Variants in CTNNA2 observed in about 807,000 individuals in gnomAD.
CTNNA2 encodes catenin alpha 2, also known as catenin alpha-2.
CTNNA2 carries 42 observed loss-of-function variants against 101.0 expected under a neutral mutation model. The ratio of observed to expected loss-of-function variants is 0.42; its 90% confidence interval spans 0.32 to 0.54. CTNNA2 has a LOEUF of 0.54. Ranked by LOEUF, CTNNA2 falls within the 20% of genes least tolerant of loss-of-function variation. The pLI is 0.14. For missense variants in CTNNA2, 871 were observed against 1,223.1 expected (o/e 0.71, Z 4.29); for synonymous variants, 450 against 456.4 (o/e 0.99, Z 0.18).
intron 7 of CTNNA2, among the ~76,000 whole-genome samples, chr2:80,105,106 TG>T (rs751330837): frequency 7.9e-5 from 12 of 152,188 alleles, no homozygotes; most frequent in Non-Finnish European, 1.8e-4. Flanking sequence ...GACCAGGAGT[TG>T]CCTAAATGAA....
intron 2 of CTNNA2, among the ~76,000 whole-genome samples, chr2:79,673,087 C>A (rs577627065): frequency 1.3e-5 from 2 of 152,196 alleles, no homozygotes; most frequent in Admixed American, 1.3e-4. Context: ...ATTAAATATT[C>A]TTCTGTGTGA....
At chr2:79,708,985 C>T (rs1666307533) in intron 2 of CTNNA2, among the ~76,000 whole-genome samples, 1 of 152,164 alleles carries the variant, frequency 6.6e-6, no homozygotes, top group Admixed American at 6.5e-5. Context: ...CCTTGATACT[C>T]TTGACCTATT....
chr2:80,366,296 A>G (rs749010376), intron 7 of CTNNA2, among the ~76,000 whole-genome samples: 2 of 152,144 alleles, frequency 1.3e-5, no homozygotes, highest in African/African-American at 2.4e-5. Context: ...TCTGAGGCCC[A>G]GTAGAAGTTG....
rs185479653 is a variant in CTNNA2 at position 80,599,277 on chromosome 2, G to A, written c.2190-4797G>A. Among the ~76,000 whole-genome samples, 1,002 of 152,268 alleles carry A rather than the reference G, an allele frequency of 6.6e-3. 9 individuals carry two copies. The highest frequency in any genetic ancestry group is 9.1e-3 in the Non-Finnish European group (620 of 68,018). On this transcript the variant is annotated intron_variant, in intron 15 of 18. Transcript: ENST00000402739. ...CCATATTGGATAGTGCAGAATTATA[G>A]AATGAACATCATTACAGAAATTCTG... is the stretch of plus-strand genomic sequence containing the variant.
intron 7 of CTNNA2, among the ~76,000 whole-genome samples, chr2:80,068,408 T>C (rs1285458170): frequency 6.6e-6 from 1 of 152,260 alleles, no homozygotes; most frequent in Admixed American, 6.5e-5. Flanking sequence ...GTGGGAAACA[T>C]GCAAATTGCT....
At chr2:80,122,353 T>G in intron 7 of CTNNA2, among the ~76,000 whole-genome samples, 1 of 150,722 alleles carries the variant, frequency 6.6e-6, no homozygotes, top group Admixed American at 6.6e-5. Context: ...TTTCTCTCTC[T>G]CCCCCCTTCC....
chr2:79,256,381 G>T (rs1474870496), intron 2 of CTNNA2, among the ~76,000 whole-genome samples: 2 of 152,152 alleles, frequency 1.3e-5, no homozygotes, highest in Non-Finnish European at 2.9e-5. Flanking sequence ...CAGCTCAGGG[G>T]CTGTCCATCA....
chr2:80,640,570 T>C (rs1478414651), intron 18 of CTNNA2, among the ~76,000 whole-genome samples: 1 of 152,224 alleles, frequency 6.6e-6, no homozygotes, highest in Non-Finnish European at 1.5e-5. Flanking sequence ...TAAAAAGTGT[T>C]ATTGATATAG....
chr2:80,036,203 G>A (rs1357594505), intron 7 of CTNNA2, among the ~76,000 whole-genome samples: 2 of 152,146 alleles, frequency 1.3e-5, no homozygotes, highest in African/African-American at 4.8e-5. Flanking sequence ...AGAGGGAGGT[G>A]AAATTAATGC....
chr2:80,571,487 G>A (rs553186086), intron 12 of CTNNA2, among the ~76,000 whole-genome samples: 3 of 152,238 alleles, frequency 2.0e-5, no homozygotes, highest in Middle Eastern at 6.8e-3. Context: ...TAAAACAAAT[G>A]TCTCTCCTTC....
chr2:80,034,009 T>C (rs906164206), intron 7 of CTNNA2, among the ~76,000 whole-genome samples: 5 of 135,464 alleles, frequency 3.7e-5, no homozygotes, highest in Non-Finnish European at 8.1e-5. Context: ...AAAGAAAACA[T>C]GGACAAATTC....
chr2:79,343,438 T>C (rs1677184035), intron 3 of CTNNA2, among the ~76,000 whole-genome samples: 1 of 152,180 alleles, frequency 6.6e-6, no homozygotes, highest in South Asian at 2.1e-4. Context: ...TGACCTATAC[T>C]CAGAAACAAC....
intron 7 of CTNNA2, among the ~76,000 whole-genome samples, chr2:79,962,536 T>C (rs1689714812): frequency 6.6e-6 from 1 of 152,230 alleles, no homozygotes; most frequent in Non-Finnish European, 1.5e-5. Flanking sequence ...ACTTTTACCA[T>C]AACCACAGAT....
At chr2:79,383,124 T>G (rs1029929182) in intron 4 of CTNNA2, among the ~76,000 whole-genome samples, 1 of 152,216 alleles carries the variant, frequency 6.6e-6, no homozygotes, top group Non-Finnish European at 1.5e-5. Flanking sequence ...TGAATTTCCT[T>G]TGGTAAATCT....
At chr2:79,709,186 G>A (rs1685583765) in intron 2 of CTNNA2, among the ~76,000 whole-genome samples, 1 of 152,156 alleles carries the variant, frequency 6.6e-6, no homozygotes, top group Non-Finnish European at 1.5e-5. Flanking sequence ...CCTAGGGAAG[G>A]TGACAGCTCT....
intron 1 of CTNNA2, among the ~76,000 whole-genome samples, chr2:79,563,213 T>C (rs1674901358): frequency 6.7e-6 from 1 of 149,938 alleles, no homozygotes; most frequent in Admixed American, 6.7e-5. Flanking sequence ...TCAGTACTAT[T>C]TTCTATTTGA....
rs551065988 is a variant in CTNNA2 at position 79,841,927 on chromosome 2, A to G, written c.299-16086A>G. On this transcript the variant is annotated intron_variant, in intron 3 of 18. Transcript: ENST00000402739. ...CCATAATATCATTAGTTGAACATTT[A>G]TAAATCAGGACAAGCATAAATACTT... is the stretch of plus-strand genomic sequence containing the variant. Among the ~76,000 whole-genome samples, 17 of 152,328 alleles carry G rather than the reference A, an allele frequency of 1.1e-4. No homozygotes were observed. The South Asian group carries it at 3.5e-3, about 32-fold the overall frequency.
chr2:79,761,619 T>A (rs1672792501), intron 3 of CTNNA2, among the ~76,000 whole-genome samples: 1 of 152,196 alleles, frequency 6.6e-6, no homozygotes, highest in Admixed American at 6.5e-5. Context: ...TTGCTTCTTA[T>A]AATAATTATA....
In CTNNA2 at chr2:80,172,737, C is replaced by T. The variant is rs553117855; in HGVS notation, c.1057-220474C>T. On this transcript the variant is annotated intron_variant, in intron 7 of 18. Transcript: ENST00000402739. Reference sequence around the variant, plus strand: ...GAGGGAGAATGTGTTCCTTGCAGCTCTTCTAGTTTCTGGTGGTTAATTGGC... The same window carrying T: ...GAGGGAGAATGTGTTCCTTGCAGCTTTTCTAGTTTCTGGTGGTTAATTGGC... Among the ~76,000 whole-genome samples, 21 of 152,262 alleles carry T rather than the reference C, an allele frequency of 1.4e-4. 1 individual carries two copies. In the South Asian group the frequency reaches 4.1e-3, roughly 30 times the overall value.
Sources: allele counts gnomAD v4.1 joint callset (sites outside exome capture counted in the v4.1 genomes callset), GRCh38; gene constraint gnomAD v4.1.1; transcripts MANE v1.5; gene names NCBI Gene and HGNC (gene_info 2026-07-23, HGNC 2026-07-21).